MAD1L1: variants seen among roughly 807,000 people sequenced by gnomAD.
The protein encoded by MAD1L1 is mitotic spindle assembly checkpoint protein MAD1.
A neutral mutation model predicts 96.9 loss-of-function variants in MAD1L1; 95 were observed. The observed-to-expected ratio is 0.98, with a 90% CI of 0.83 to 1.16. The LOEUF (loss-of-function observed/expected upper bound fraction) is 1.16. Among genes scored for constraint, MAD1L1 ranks in the 50% most tolerant of loss-of-function variants. The pLI, the probability that MAD1L1 is intolerant of heterozygous loss-of-function variation, is 0.00. For synonymous variants in MAD1L1, 473 were observed against 396.6 expected (o/e 1.19, Z -2.29); for missense variants, 1,007 against 954.4 (o/e 1.06, Z -0.73).
chr7:1,928,974 C>T (rs1789266262), intron 17 of MAD1L1, among the ~76,000 whole-genome samples: 1 of 152,172 alleles, frequency 6.6e-6, no homozygotes, highest in Non-Finnish European at 1.5e-5. Flanking sequence ...GCAGAGGACA[C>T]GCGCCGATAC....
intron 12 of MAD1L1, among the ~76,000 whole-genome samples, chr7:2,062,536 C>T (rs557904900): frequency 3.3e-5 from 5 of 152,038 alleles, no homozygotes; most frequent in African/African-American, 1.2e-4. Flanking sequence ...GATCACGCGA[C>T]TGCACTCCAG....
intron 11 of MAD1L1, among the ~76,000 whole-genome samples, chr7:2,130,327 T>C (rs1219874050): frequency 6.6e-6 from 1 of 152,014 alleles, no homozygotes; most frequent in Non-Finnish European, 1.5e-5. Context: ...CGAGGCCAAG[T>C]CCCCAAGCCC....
chr7:1,888,085 G>A (rs1786251808), intron 18 of MAD1L1, among the ~76,000 whole-genome samples: 1 of 148,820 alleles, frequency 6.7e-6, no homozygotes, highest in Admixed American at 6.7e-5. Flanking sequence ...GCATGCATGA[G>A]CATGCATGTT....
chr7:1,817,970 G>GTCCCCGTGCCC (rs1463037494), intron 18 of MAD1L1, among the ~76,000 whole-genome samples: 1 of 151,670 alleles, frequency 6.6e-6, no homozygotes, highest in African/African-American at 2.4e-5. Context: ...CTCAGGAGCC[G>GTCCCCGTGCCC]TCCCCGTGCC....
chr7:1,969,719 TAG>T (rs1562570853), intron 15 of MAD1L1, among the ~76,000 whole-genome samples: 1 of 152,154 alleles, frequency 6.6e-6, no homozygotes, highest in African/African-American at 2.4e-5. Context: ...TTCCCTGTAT[TAG>T]GAACAAGCAA....
At position 1,843,539 on chromosome 7, in the gene MAD1L1, T is replaced by C. The variant is rs6947402; in HGVS notation, c.1999-27311A>G. ...GTGCTGAGGGCCTCCTGAAGTGCAA[T>C]TGGTTAGTCACGGTTTAGTGTTCTT... On this transcript the variant is annotated intron_variant, in intron 18 of 18. Transcript: ENST00000265854. Among the ~76,000 whole-genome samples, 82 of 152,302 alleles carry C rather than the reference T, an allele frequency of 5.4e-4. 1 individual carries two copies. The highest frequency in any genetic ancestry group is 1.8e-3 in the African/African-American group (74 of 41,572).
At chr7:2,004,023 G>A (rs73277166) in intron 13 of MAD1L1, among the ~76,000 whole-genome samples, 3,492 of 152,244 alleles carry the variant, frequency 0.023, 140 homozygotes, top group African/African-American at 0.079. Context: ...ACTCCCGGGG[G>A]CACAGGGAGC....
chr7:1,958,389 T>C (rs1270718031), intron 15 of MAD1L1, among the ~76,000 whole-genome samples: 3 of 152,154 alleles, frequency 2.0e-5, no homozygotes, highest in African/African-American at 7.2e-5. Flanking sequence ...ATGGAAAACA[T>C]ATTCATGTGG....
chr7:2,050,751 C>G (rs1357316105), intron 12 of MAD1L1, among the ~76,000 whole-genome samples: 1 of 146,328 alleles, frequency 6.8e-6, no homozygotes, highest in South Asian at 2.1e-4. Flanking sequence ...GCGGCTCAGT[C>G]CTCAGCAGGC....
At chr7:2,054,705 A>G (rs6461108) in intron 12 of MAD1L1, among the ~76,000 whole-genome samples, 30,735 of 152,172 alleles carry the variant, frequency 0.2, 4,867 homozygotes, top group African/African-American at 0.44. Flanking sequence ...CTCACTGAGC[A>G]GAGCAAACAC....
chr7:2,099,302 G>T (rs1057308720), intron 11 of MAD1L1, among the ~76,000 whole-genome samples: 5 of 152,204 alleles, frequency 3.3e-5, no homozygotes, highest in Non-Finnish European at 7.3e-5. Context: ...CACTGTGGAG[G>T]GTGCAGGTCA....
intron 10 of MAD1L1, among the ~76,000 whole-genome samples, chr7:2,169,417 G>C (rs1225587606): frequency 6.6e-6 from 1 of 151,970 alleles, no homozygotes; most frequent in Admixed American, 6.6e-5. Flanking sequence ...ACTTCGTCAT[G>C]TCAAGGAAAA....
chr7:1,906,350 T>A (rs1429033275), intron 17 of MAD1L1, among the ~76,000 whole-genome samples: 1 of 152,224 alleles, frequency 6.6e-6, no homozygotes, highest in African/African-American at 2.4e-5. Context: ...AGACTTGAGC[T>A]GAGGCAGGGC....
chr7:1,925,036 A>G (rs1358408550), intron 17 of MAD1L1, among the ~76,000 whole-genome samples: 1 of 152,212 alleles, frequency 6.6e-6, no homozygotes, highest in Non-Finnish European at 1.5e-5. Context: ...AGGAAAGAGA[A>G]AACGGGAATA....
intron 11 of MAD1L1, among the ~76,000 whole-genome samples, chr7:2,144,996 G>C (rs967966029): frequency 6.6e-6 from 1 of 152,134 alleles, no homozygotes; most frequent in Admixed American, 6.5e-5. Flanking sequence ...CAGGAGGCAA[G>C]GTTTGGTGGT....
At chr7:2,009,463 C>T (rs1364407372) in intron 13 of MAD1L1, among the ~76,000 whole-genome samples, 3 of 151,264 alleles carry the variant, frequency 2.0e-5, no homozygotes, top group Non-Finnish European at 4.5e-5. Flanking sequence ...CAGGCCTCCA[C>T]CTTCCTGGCC....
chr7:1,838,679 G>A, intron 18 of MAD1L1: 1 of 430,406 alleles, frequency 2.3e-6, no homozygotes. Context: ...ACTGGGAGAG[G>A]ATGGCTATGG....
intron 17 of MAD1L1, among the ~76,000 whole-genome samples, chr7:1,915,820 G>A (rs1394959313): frequency 1.3e-5 from 2 of 152,192 alleles, no homozygotes; most frequent in Admixed American, 1.3e-4. Context: ...GGGATAAGGG[G>A]CTTAGTCTAA....
intron 18 of MAD1L1, among the ~76,000 whole-genome samples, chr7:1,856,780 T>A (rs1334641646): frequency 6.6e-6 from 1 of 151,986 alleles, no homozygotes; most frequent in Non-Finnish European, 1.5e-5. Context: ...GTTCCACACG[T>A]AACCCAACCC....
Sources: gnomAD v4.1 joint callset for allele counts (sites outside exome capture counted in the v4.1 genomes callset) on GRCh38, gnomAD v4.1.1 for gene constraint, MANE v1.5 for transcripts, NCBI Gene and HGNC (gene_info 2026-07-23, HGNC 2026-07-21) for gene names.